Variants in LPP observed in about 807,000 individuals in gnomAD.
LPP encodes the protein lipoma-preferred partner.
A neutral mutation model predicts 60.4 loss-of-function variants in LPP; 38 were observed. That is an observed-to-expected ratio of 0.63 (90% CI 0.49 to 0.83). The LOEUF (loss-of-function observed/expected upper bound fraction) is 0.83, where lower values mean the gene tolerates loss of function less well. Among genes scored for constraint, LPP ranks in the 40% least tolerant of loss-of-function variants. The pLI is 0.00. For synonymous variants in LPP, 328 were observed against 290.8 expected, an observed-to-expected ratio of 1.13 and a Z score of -1.30; for missense variants, 902 against 783.6, an observed-to-expected ratio of 1.15 and a Z score of -1.80.
rs1041167882 is a variant in LPP, at chr3:188,182,543, G to A, written c.-190+28291G>A. Among the ~76,000 whole-genome samples the A allele has an allele frequency of 6.6e-6, 1 of 152,064 alleles. No homozygotes were observed. Among genetic ancestry groups the A allele is most frequent in the African/African-American group, 2.4e-5 (1 of 41,406 alleles). ...CTGCCATTGTTTTTGGCTGGGAGTG[G>A]TTGTGATAGATAGAGGAGGGAGCAA... On this transcript the variant is annotated intron_variant, in intron 1 of 11. Coordinates refer to ENST00000617246, the MANE Select transcript of LPP (RefSeq NM_001375462.1). The surrounding 1 kb of genome is among the most constrained non-coding windows in gnomAD (Gnocchi z 4.4).
At chr3:188,163,141 C>T (rs1315111408) in intron 1 of LPP, among the ~76,000 whole-genome samples, 1 of 152,142 alleles carries the variant, frequency 6.6e-6, no homozygotes, top group East Asian at 1.9e-4. Context: ...CTGTTTGTAT[C>T]TGTTACCCGT....
intron 9 of LPP, among the ~76,000 whole-genome samples, chr3:188,804,246 TATATATA>T (rs1748297815): frequency 7.2e-5 from 4 of 55,628 alleles, no homozygotes; most frequent in African/African-American, 2.6e-4. Flanking sequence ...TGCATCTTTA[TATATATA>T]TATATATATA....
intron 9 of LPP, among the ~76,000 whole-genome samples, chr3:188,824,201 G>T (rs372604149): frequency 1.3e-5 from 2 of 152,098 alleles, no homozygotes; most frequent in Non-Finnish European, 2.9e-5. Flanking sequence ...TCACTCATTC[G>T]GGTGGCGTGA....
At chr3:188,448,493 T>G (rs1795847370) in intron 4 of LPP, among the ~76,000 whole-genome samples, 1 of 150,960 alleles carries the variant, frequency 6.6e-6, no homozygotes, top group Non-Finnish European at 1.5e-5. Context: ...TATCTAAATA[T>G]CTATCTAAAT....
At chr3:188,192,074 C>T (rs1728332899) in intron 1 of LPP, among the ~76,000 whole-genome samples, 1 of 152,156 alleles carries the variant, frequency 6.6e-6, no homozygotes, top group Non-Finnish European at 1.5e-5. Flanking sequence ...AATATTTTAG[C>T]AACCTGTGTT....
At chr3:188,392,089 C>T (rs765121626) in intron 3 of LPP, among the ~76,000 whole-genome samples, 3 of 152,172 alleles carry the variant, frequency 2.0e-5, no homozygotes, top group Admixed American at 6.5e-5. Context: ...TTTCATATTT[C>T]GGGCATGTCT....
intron 8 of LPP, among the ~76,000 whole-genome samples, chr3:188,723,649 T>C (rs1334263024): frequency 6.6e-6 from 1 of 152,146 alleles, no homozygotes; most frequent in African/African-American, 2.4e-5. Context: ...AAAAACACTT[T>C]GTCCTATTGG....
intron 2 of LPP, among the ~76,000 whole-genome samples, chr3:188,325,666 A>G (rs1045739270): frequency 2.0e-5 from 3 of 152,210 alleles, no homozygotes; most frequent in African/African-American, 7.2e-5. Flanking sequence ...AGTGTTTGCT[A>G]TAGGCTAGGC....
chr3:188,817,721 G>T (rs1203802206), intron 9 of LPP, among the ~76,000 whole-genome samples: 1 of 152,106 alleles, frequency 6.6e-6, no homozygotes, highest in Non-Finnish European at 1.5e-5. Flanking sequence ...ACGTCACTTT[G>T]TATACAGAAC....
At chr3:188,155,907 C>T (rs183232622) in intron 1 of LPP, among the ~76,000 whole-genome samples, 2,927 of 151,878 alleles carry the variant, frequency 0.019, 54 homozygotes, top group African/African-American at 0.029. Flanking sequence ...CCCAGCTACT[C>T]GGGAGGCTGA....
chr3:188,592,563 T>TTTTTTTTTTTTTTTTTCTGG lies in LPP; in HGVS notation c.430-16598_430-16597insTTTTTTTTTTTTTTTTCTGG. ...TGTTTTTAGTTTTGTTTTTGTTTTT[T>TTTTTTTTTTTTTTTTTCTGG]AAATGGAGTCTCACTCTTTCTCCCA... On this transcript the variant is annotated intron_variant, in intron 6 of 11. Transcript: ENST00000617246. Among the ~76,000 whole-genome samples, 2 of 77,226 alleles carry TTTTTTTTTTTTTTTTTCTGG rather than the reference T, an allele frequency of 2.6e-5. 1 individual carries two copies. Among genetic ancestry groups the TTTTTTTTTTTTTTTTTCTGG allele is most frequent in the Non-Finnish European group, 5.5e-5 (2 of 36,200 alleles). The allele number at this position is 77,226 out of a possible 152,430, so 50.7% of individuals were successfully genotyped here.
chr3:188,545,794 C>T (rs142072729), intron 6 of LPP, among the ~76,000 whole-genome samples: 114 of 152,208 alleles, frequency 7.5e-4, no homozygotes, highest in African/African-American at 2.6e-3. Context: ...AGTTTTAGAA[C>T]TTACACAGAG....
At chr3:188,425,168 T>C (rs1288843247) in intron 4 of LPP, among the ~76,000 whole-genome samples, 1 of 152,218 alleles carries the variant, frequency 6.6e-6, no homozygotes, top group African/African-American at 2.4e-5. Flanking sequence ...GTGTTGAATT[T>C]TGTTGAAGGA....
rs563705033 is a variant in LPP at position 188,588,542 on chromosome 3, C to G, written c.430-20619C>G. Reference sequence around the variant, plus strand: ...GAGCCACAATGTGTAGATTCAGATACCAACAGTAGCTTATGCTGAAACCTG... The same window carrying G: ...GAGCCACAATGTGTAGATTCAGATAGCAACAGTAGCTTATGCTGAAACCTG... On this transcript the variant is annotated intron_variant, in intron 6 of 11. Transcript: ENST00000617246. 5.3e-5 allele frequency among the ~76,000 whole-genome samples: 8 copies of G among 151,626 alleles called. No individual in the cohort carries two copies. In the East Asian group the frequency reaches 1.4e-3, roughly 26 times the overall value.
intron 4 of LPP, among the ~76,000 whole-genome samples, chr3:188,419,806 C>G (rs1202808339): frequency 1.3e-5 from 2 of 152,328 alleles, no homozygotes; most frequent in African/African-American, 4.8e-5. Flanking sequence ...AGGCGAATCA[C>G]TTGAACACAG....
rs957879213 is a variant in LPP at position 188,887,789 on chromosome 3, T to C, written c.*13310T>C. ...ACTAAATCTTGTCACCAAGACTTTA[T>C]AGTAAAGTAGTAGCAAAATTATTTT... is the stretch of plus-strand genomic sequence containing the variant. On this transcript the variant is annotated 3_prime_UTR_variant, in exon 12 of 12. Coordinates refer to ENST00000617246, the MANE Select transcript of LPP (RefSeq NM_001375462.1). 1 of 208,766 alleles carries C rather than the reference T, an allele frequency of 4.8e-6. No individual in the cohort carries two copies. The highest frequency in any genetic ancestry group is 2.3e-5 in the African/African-American group (1 of 44,006). 12.9% of individuals were successfully genotyped at this position (208,766 alleles called of 1,614,324 possible).
chr3:188,519,362 A>T (rs1818265352), intron 5 of LPP, among the ~76,000 whole-genome samples: 1 of 152,210 alleles, frequency 6.6e-6, no homozygotes, highest in South Asian at 2.1e-4. Flanking sequence ...GATTGGTTGG[A>T]CTTTTTATAA....
At chr3:188,625,863 A>G (rs1221545203) in intron 7 of LPP, among the ~76,000 whole-genome samples, 1 of 152,232 alleles carries the variant, frequency 6.6e-6, no homozygotes, top group Non-Finnish European at 1.5e-5. Context: ...TAAATGATTC[A>G]AGTCTGTTAA....
chr3:188,696,433 G>A (rs967657265), intron 7 of LPP, among the ~76,000 whole-genome samples: 10 of 152,114 alleles, frequency 6.6e-5, no homozygotes, highest in African/African-American at 2.4e-4. Context: ...AGGAGTTAGA[G>A]ACCAGCCTGG....
Sources: allele counts gnomAD v4.1 joint callset (sites outside exome capture counted in the v4.1 genomes callset), GRCh38; gene constraint gnomAD v4.1.1; non-coding constraint Gnocchi (gnomAD v3.1); transcripts MANE v1.5; gene names NCBI Gene and HGNC (gene_info 2026-07-23, HGNC 2026-07-21).